Variants in UNC80 observed in about 807,000 individuals in gnomAD.
UNC80 encodes the protein unc-80 subunit of NALCN channel complex, also known as protein unc-80 homolog.
A neutral mutation model predicts 384.6 loss-of-function variants in UNC80; 164 were observed. The ratio of observed to expected loss-of-function variants is 0.43; its 90% CI spans 0.38 to 0.49. The LOEUF is 0.49. Among genes scored for constraint, UNC80 ranks in the 20% least tolerant of loss-of-function variants. The probability of loss-of-function intolerance (pLI) is 0.00; values close to 1 mark genes in which losing one functional copy is unlikely to be tolerated. For missense variants in UNC80, 3,330 were observed against 4,143.0 expected (o/e 0.80, Z 5.39); for synonymous variants, 1,486 against 1,527.8 (o/e 0.97, Z 0.64).
At chr2:209,963,221 CTCTG>C (rs1054199756) in intron 51 of UNC80, among the ~76,000 whole-genome samples, 21 of 152,328 alleles carry the variant, frequency 1.4e-4, no homozygotes, top group African/African-American at 5.1e-4. Flanking sequence ...CTCTCTCTTT[CTCTG>C]TCTGTCTCTC....
At chr2:209,985,836 A>T (rs2093275831) in intron 61 of UNC80, among the ~76,000 whole-genome samples, 1 of 152,192 alleles carries the variant, frequency 6.6e-6, no homozygotes, top group Admixed American at 6.5e-5. Flanking sequence ...AAGATGAGGA[A>T]ATGTTGAGAG....
intron 29 of UNC80, among the ~76,000 whole-genome samples, chr2:209,909,188 T>A (rs1215312381): frequency 6.6e-6 from 1 of 152,222 alleles, no homozygotes; most frequent in Non-Finnish European, 1.5e-5. Flanking sequence ...TTCTGGCATA[T>A]GGTTAACTCA....
At chr2:209,825,764 C>T (rs1174352063) in intron 13 of UNC80, 143 bp from the exon 14 acceptor site, 3 of 686,416 alleles carry the variant, frequency 4.4e-6, no homozygotes, top group Non-Finnish European at 6.4e-6. Flanking sequence ...GTTTGTTGAG[C>T]CCGTTACAAT....
At chr2:209,777,639 G>T in intron 4 of UNC80, 80 bp downstream of exon 4, 1 of 1,461,490 alleles carries the variant, frequency 6.8e-7, no homozygotes, top group Non-Finnish European at 9.2e-7. Context: ...TCCATATTTG[G>T]TTGGGCATGT....
In UNC80 at chr2:209,993,368, C is replaced by G. The variant is rs1398922928; in HGVS notation, c.9450C>G (p.Arg3150=). ...AAACTCAGACTGAACCCAGAAATCG[C>G]CAAGGGGCTCGGCTGTCAACCACTC... ...RQKTQTEPRN[R]QGARLSTTRR... Residue 3150 remains arginine, a synonymous_variant, in exon 63 of 65, where the codon CGC becomes CGG. Coordinates refer to ENST00000673920, the MANE Select transcript of UNC80 (RefSeq NM_001371986.1). 1 of 1,551,724 alleles carries G rather than the reference C, an allele frequency of 6.4e-7. No homozygotes were observed. The highest frequency in any genetic ancestry group is 1.4e-5 in the African/African-American group (1 of 73,034).
intron 21 of UNC80, among the ~76,000 whole-genome samples, chr2:209,846,043 G>A (rs993618694): frequency 6.7e-6 from 1 of 150,096 alleles, no homozygotes; most frequent in African/African-American, 2.5e-5. Flanking sequence ...CAATCTATGT[G>A]TATAAATGAT....
chr2:209,798,945 A>G (rs1184008746), intron 7 of UNC80, among the ~76,000 whole-genome samples: 3 of 150,286 alleles, frequency 2.0e-5, no homozygotes, highest in African/African-American at 7.3e-5. Flanking sequence ...CGGCCTCCCA[A>G]AGTGCTGGGA....
chr2:209,822,754 A>T (rs1041263169), intron 13 of UNC80, among the ~76,000 whole-genome samples: 1 of 152,046 alleles, frequency 6.6e-6, no homozygotes, highest in African/African-American at 2.4e-5. Flanking sequence ...TTTTATTGAA[A>T]ACCTACAAGT....
chr2:209,992,190 T>A lies in UNC80; in HGVS notation c.9339T>A (p.Pro3113=), dbSNP rs2093404847. Residue 3113 remains proline (P), a synonymous_variant, in exon 62 of 65, where the codon CCT becomes CCA. Transcript: ENST00000673920. The part of the protein sequence containing the change: ...LSRVASIQSE[P]GQQNLLVQQP... ...GGGTGGCAAGTATACAGAGTGAACC[T>A]GGTCAACAGAACCTCCTTGTTCAGC... 26 of 1,551,510 alleles carry A rather than the reference T, an allele frequency of 1.7e-5. No individual in the cohort carries two copies. The highest frequency in any genetic ancestry group is 2.1e-5 in the Non-Finnish European group (24 of 1,146,952).
intron 36 of UNC80, 74 bp from the exon 37 acceptor site, chr2:209,929,797 A>G: frequency 8.5e-7 from 1 of 1,173,712 alleles, no homozygotes; most frequent in Admixed American, 3.4e-5. Context: ...TAAAGCTTGT[A>G]AATTGTCAAA....
intron 16 of UNC80, among the ~76,000 whole-genome samples, chr2:209,832,352 T>C (rs1461075746): frequency 1.3e-5 from 2 of 151,414 alleles, no homozygotes; most frequent in Admixed American, 6.6e-5. Context: ...AAGAAGATTG[T>C]GGTTTTGGAT....
intron 60 of UNC80, among the ~76,000 whole-genome samples, chr2:209,984,519 AG>A: frequency 6.6e-6 from 1 of 152,316 alleles, no homozygotes; most frequent in South Asian, 2.1e-4. Flanking sequence ...TGGTTACCAA[AG>A]GAAATGGTAG....
intron 18 of UNC80, among the ~76,000 whole-genome samples, chr2:209,837,867 G>T (rs1166256087): frequency 6.6e-6 from 1 of 151,774 alleles, no homozygotes; most frequent in African/African-American, 2.4e-5. Flanking sequence ...CTCCTCCTGG[G>T]TTCACACCAT....
intron 25 of UNC80, among the ~76,000 whole-genome samples, chr2:209,883,580 A>G (rs1342372736): frequency 6.6e-6 from 1 of 151,590 alleles, no homozygotes; most frequent in African/African-American, 2.4e-5. Flanking sequence ...ACAGACGCCC[A>G]CCACCATGCC....
At chr2:209,778,056 C>T (rs1341591472) in intron 4 of UNC80, among the ~76,000 whole-genome samples, 1 of 152,182 alleles carries the variant, frequency 6.6e-6, no homozygotes, top group African/African-American at 2.4e-5. Flanking sequence ...GACTTCATTC[C>T]TACCCCCTTT....
At position 209,982,240 on chromosome 2, in the gene UNC80, T is replaced by C. The variant is rs565269557; in HGVS notation, c.9180T>C (p.Ile3060=). 6 of 1,551,662 alleles carry C rather than the reference T, an allele frequency of 3.9e-6. No individual in the cohort carries two copies. In the South Asian group the frequency reaches 5.9e-5, roughly 15 times the overall value. Residue 3060 remains isoleucine, a synonymous_variant, in exon 60 of 65, where the codon ATT becomes ATC. Coordinates refer to ENST00000673920, the MANE Select transcript of UNC80 (RefSeq NM_001371986.1). ...SEQEAYLLSA[I]GRRRFSSHVS... Reference sequence around the variant, plus strand: ...AAGAAGCTTACCTCCTGAGTGCCATTGGAAGGAGGCGATTCTCCAGCCATG... The same window carrying C: ...AAGAAGCTTACCTCCTGAGTGCCATCGGAAGGAGGCGATTCTCCAGCCATG...
intron 7 of UNC80, among the ~76,000 whole-genome samples, chr2:209,810,560 C>T (rs923910885): frequency 6.6e-6 from 1 of 151,976 alleles, no homozygotes; most frequent in Non-Finnish European, 1.5e-5. Flanking sequence ...CTCCCTCCTT[C>T]GTATCCTTCT....
At chr2:209,903,566 A>ATATATGTAATATATATAC in intron 28 of UNC80, among the ~76,000 whole-genome samples, 820 of 2,414 alleles carry the variant, frequency 0.34, 316 homozygotes, top group South Asian at 0.64. Context: ...TATATATACT[A>ATATATGTAATATATATAC]TATATATAGT....
intron 25 of UNC80, among the ~76,000 whole-genome samples, chr2:209,885,147 T>C (rs2085666268): frequency 1.3e-5 from 2 of 151,790 alleles, no homozygotes; most frequent in African/African-American, 2.4e-5. Flanking sequence ...CAAAATACAA[T>C]TCATAGCTAC....
Sources: allele counts gnomAD v4.1 joint callset (sites outside exome capture counted in the v4.1 genomes callset), GRCh38; gene constraint gnomAD v4.1.1; transcripts MANE v1.5; gene names NCBI Gene and HGNC (gene_info 2026-07-23, HGNC 2026-07-21).